The following GPR160 variants were observed in gnomAD, a reference collection of about 807,000 sequenced individuals.
GPR160 encodes the protein probable G protein-coupled receptor 160.
A neutral mutation model predicts 2.6 loss-of-function variants in GPR160; 2 were observed. The observed-to-expected ratio is 0.77, with a 90% CI of 0.32 to 2.44. GPR160 has a LOEUF of 2.44. Ranked by LOEUF, GPR160 falls within the 30% of genes most tolerant of loss-of-function variation. The probability of loss-of-function intolerance (pLI) is 0.11; values close to 1 mark genes in which losing one functional copy is unlikely to be tolerated. For synonymous variants in GPR160, 130 were observed against 132.2 expected (o/e 0.98, Z 0.12); for missense variants, 351 against 383.6 (o/e 0.91, Z 0.71).
intron 2 of GPR160, among the ~76,000 whole-genome samples, chr3:170,041,451 G>A (rs1481303015): frequency 3.3e-5 from 5 of 151,996 alleles, no homozygotes; most frequent in Non-Finnish European, 7.4e-5. Context: ...ACAGGCGCCC[G>A]CCACCACGCC....
Position 170,055,013 on chromosome 3 carries a change from C to T in GPR160, c.-193+15970C>T, listed in dbSNP as rs61407081. On this transcript the variant is annotated intron_variant, in intron 2 of 3. Transcript: ENST00000355897. ...TTCACCATGTTGGCCAGGCTGGTCTCGAACTCCTGACCACAGGTGACCCAT... is the reference window on the plus strand; with the variant it reads ...TTCACCATGTTGGCCAGGCTGGTCTTGAACTCCTGACCACAGGTGACCCAT... Among the ~76,000 whole-genome samples the T allele has an allele frequency of 5.7e-3, 875 of 152,244 alleles. 26 individuals carry two copies. Among genetic ancestry groups the T allele is most frequent in the Admixed American group, 0.034 (517 of 15,290 alleles).
At chr3:170,077,022 T>C (rs1712889648) in intron 2 of GPR160, 1 of 152,212 alleles carries the variant, frequency 6.6e-6, no homozygotes, top group Admixed American at 6.5e-5. Context: ...ACCACAAGCC[T>C]GTTTTCCTCA....
intron 2 of GPR160, among the ~76,000 whole-genome samples, chr3:170,056,667 A>T (rs1711658669): frequency 1.3e-5 from 2 of 152,226 alleles, no homozygotes; most frequent in South Asian, 4.1e-4. Context: ...GTATGCGAGA[A>T]ATACTAGAAA....
intron 2 of GPR160, among the ~76,000 whole-genome samples, chr3:170,050,950 C>G (rs1716932747): frequency 6.6e-6 from 1 of 152,008 alleles, no homozygotes; most frequent in South Asian, 2.1e-4. Context: ...TAGTATGGAC[C>G]TTATTTGTAT....
At chr3:170,054,308 A>G (rs1333675724) in intron 2 of GPR160, among the ~76,000 whole-genome samples, 1 of 152,176 alleles carries the variant, frequency 6.6e-6, no homozygotes, top group African/African-American at 2.4e-5. Flanking sequence ...CTGAAGCACA[A>G]GTTCAAAGGC....
Position 170,084,042 on chromosome 3 carries a change from G to GTTAT in GPR160, c.73_74insTTTA (p.Asn25IlefsTer2), listed in dbSNP as rs1176519594. The GTTAT allele has an allele frequency of 6.3e-7, 1 of 1,580,836 alleles. No individual in the cohort carries two copies. Among genetic ancestry groups the GTTAT allele is most frequent in the Admixed American group, 1.9e-5 (1 of 54,000 alleles). Reference sequence around the variant, plus strand: ...ACGTCAAACAAACCAGCCCCTAGATGTTAACTATCTGCTATTCTTGATCAT... The same window carrying GTTAT: ...ACGTCAAACAAACCAGCCCCTAGATGTTATTTAACTATCTGCTATTCTTGATCAT... On this transcript the variant is annotated frameshift_variant, in exon 4 of 4. Coordinates refer to ENST00000355897, the MANE Select transcript of GPR160 (RefSeq NM_014373.3). LOFTEE classifies it low-confidence loss of function (END_TRUNC).
intron 2 of GPR160, among the ~76,000 whole-genome samples, chr3:170,068,520 G>C (rs1358289341): frequency 6.6e-6 from 1 of 152,068 alleles, no homozygotes; most frequent in Non-Finnish European, 1.5e-5. Context: ...CTGTTATTCA[G>C]AGTTTGCACC....
At position 170,075,775 on chromosome 3, in the gene GPR160, T is replaced by A. The variant is rs553403421; in HGVS notation, c.-192-3999T>A. On this transcript the variant is annotated intron_variant, in intron 2 of 3. Transcript: ENST00000355897. ...GCAGGCATGTGGGTGAGCACTATAA[T>A]TCTACACTGAAGGAGAAAAATAAAA... 7.2e-5 allele frequency among the ~76,000 whole-genome samples: 11 copies of A among 152,332 alleles called. No individual in the cohort carries two copies. The East Asian group carries it at 1.9e-3, about 27-fold the overall frequency.
rs367855012 is a variant in GPR160 at position 170,041,780 on chromosome 3, C to T, written c.-193+2737C>T. Among the ~76,000 whole-genome samples, 44 of 152,252 alleles carry T rather than the reference C, an allele frequency of 2.9e-4. 2 individuals carry two copies. Among genetic ancestry groups the T allele is most frequent in the African/African-American group, 1.0e-3 (43 of 41,536 alleles). On this transcript the variant is annotated intron_variant, in intron 2 of 3. Transcript: ENST00000355897. ...TCTTGGTATGAATGAAAGAAGTATG[C>T]AACCGTCACGTAACTTTATTTTATA... is the stretch of plus-strand genomic sequence containing the variant.
intron 2 of GPR160, among the ~76,000 whole-genome samples, chr3:170,056,125 A>C (rs1711632858): frequency 6.6e-6 from 1 of 152,196 alleles, no homozygotes; most frequent in Non-Finnish European, 1.5e-5. Flanking sequence ...GACTAGTACA[A>C]GGTATGCAAC....
At chr3:170,065,419 G>C (rs1712274182) in intron 2 of GPR160, among the ~76,000 whole-genome samples, 2 of 152,216 alleles carry the variant, frequency 1.3e-5, no homozygotes, top group Non-Finnish European at 1.5e-5. Context: ...CTCTGGATCT[G>C]ATGCCTAGAT....
intron 3 of GPR160, among the ~76,000 whole-genome samples, chr3:170,082,972 GGTT>G (rs1037818606): frequency 1.5e-5 from 2 of 134,734 alleles, no homozygotes; most frequent in African/African-American, 5.1e-5. Flanking sequence ...TCATTTTTGG[GGTT>G]TTTTTTTTTT....
At position 170,084,745 on chromosome 3, in the gene GPR160, T is replaced by C; in HGVS notation, c.773T>C (p.Leu258Pro). The part of the protein sequence containing the change: ...FLSTWLPFVL[L>P]QVIIVLLKVQ... ...AGTACCTGGTTACCATTTGTACTACTTCAGGTAATCATTGTTTTACTTAAA... is the reference window on the plus strand; with the variant it reads ...AGTACCTGGTTACCATTTGTACTACCTCAGGTAATCATTGTTTTACTTAAA... The change falls in exon 4 of 4, where the codon CTT becomes CCT. Residue 258 changes from leucine (L) to proline (P), a missense_variant. Coordinates refer to ENST00000355897, the MANE Select transcript of GPR160 (RefSeq NM_014373.3). 1 of 1,608,744 alleles carries C rather than the reference T, an allele frequency of 6.2e-7. No individual in the cohort carries two copies. The highest frequency in any genetic ancestry group is 2.2e-5 in the East Asian group (1 of 44,824).
chr3:170,064,313 C>CG (rs1241316288), intron 2 of GPR160, among the ~76,000 whole-genome samples: 1 of 152,072 alleles, frequency 6.6e-6, no homozygotes, highest in Non-Finnish European at 1.5e-5. Flanking sequence ...CATGAGCTGG[C>CG]GGGGGTGAGT....
intron 2 of GPR160, among the ~76,000 whole-genome samples, chr3:170,065,030 C>T (rs1445878032): frequency 6.6e-6 from 1 of 152,100 alleles, no homozygotes; most frequent in East Asian, 1.9e-4. Context: ...GAGGATCTGA[C>T]GGGAGTGTAG....
chr3:170,072,640 G>A (rs1365594091), intron 2 of GPR160, among the ~76,000 whole-genome samples: 1 of 152,106 alleles, frequency 6.6e-6, no homozygotes. Flanking sequence ...CACATGGTGA[G>A]ACAGGGAGCA....
intron 2 of GPR160, among the ~76,000 whole-genome samples, chr3:170,066,285 C>T (rs543817911): frequency 2.9e-4 from 44 of 151,640 alleles, no homozygotes; most frequent in East Asian, 2.5e-3. Context: ...GGACTACAGG[C>T]GCCCATCACC....
intron 2 of GPR160, chr3:170,077,511 G>C (rs182265841): frequency 2.0e-5 from 3 of 152,300 alleles, no homozygotes; most frequent in Admixed American, 2.0e-4. Context: ...GAACGCAGCT[G>C]TTCTCTGACC....
At chr3:170,082,995 G>C (rs373266341) in intron 3 of GPR160, among the ~76,000 whole-genome samples, 2 of 144,124 alleles carry the variant, frequency 1.4e-5, no homozygotes, top group African/African-American at 5.1e-5. Context: ...TTTGGTTTTT[G>C]TTTTTGTTTT....
Sources: gnomAD v4.1 joint callset for allele counts (sites outside exome capture counted in the v4.1 genomes callset) on GRCh38, gnomAD v4.1.1 for gene constraint, MANE v1.5 for transcripts, NCBI Gene and HGNC (gene_info 2026-07-23, HGNC 2026-07-21) for gene names.